Variants in ZBTB16 observed in about 807,000 individuals in gnomAD.
ZBTB16 encodes zinc finger and BTB domain-containing protein 16.
A neutral mutation model predicts 56.8 loss-of-function variants in ZBTB16; 8 were observed. The ratio of observed to expected loss-of-function variants is 0.14; its 90% CI spans 0.08 to 0.25. ZBTB16 has a LOEUF of 0.25. Ranked by LOEUF, ZBTB16 falls within the 10% of genes least tolerant of loss-of-function variation. ZBTB16 has a pLI of 1.00. For synonymous variants in ZBTB16, 363 were observed against 368.5 expected (o/e 0.98, Z 0.17); for missense variants, 625 against 903.0 (o/e 0.69, Z 3.95).
At chr11:114,119,645 T>G (rs1941286417) in intron 2 of ZBTB16, among the ~76,000 whole-genome samples, 1 of 152,146 alleles carries the variant, frequency 6.6e-6, no homozygotes, top group Non-Finnish European at 1.5e-5. Context: ...GTCTCTGCAG[T>G]GATGGAGCAA....
At chr11:114,069,841 C>G (rs532194636) in intron 2 of ZBTB16, among the ~76,000 whole-genome samples, 94 of 152,302 alleles carry the variant, frequency 6.2e-4, no homozygotes, top group African/African-American at 2.2e-3. Flanking sequence ...GCCCTCACAG[C>G]CTTCCTTGAG....
At chr11:114,238,052 C>T (rs749812203) in intron 4 of ZBTB16, among the ~76,000 whole-genome samples, 4 of 152,180 alleles carry the variant, frequency 2.6e-5, no homozygotes, top group Non-Finnish European at 5.9e-5. Context: ...GACCATATGA[C>T]TTCCAGCCTG....
At chr11:114,085,304 T>C (rs1335053184) in intron 2 of ZBTB16, among the ~76,000 whole-genome samples, 6 of 152,240 alleles carry the variant, frequency 3.9e-5, no homozygotes, top group Non-Finnish European at 5.9e-5. Flanking sequence ...GACCCACTAA[T>C]GGATTGCCAC....
At chr11:114,238,668 T>A (rs369957547) in intron 4 of ZBTB16, among the ~76,000 whole-genome samples, 1 of 152,210 alleles carries the variant, frequency 6.6e-6, no homozygotes, top group East Asian at 1.9e-4. Flanking sequence ...CTCGGTCCTT[T>A]CATGGCACTG....
chr11:114,166,896 A>AG (rs898872034), intron 3 of ZBTB16, among the ~76,000 whole-genome samples: 1 of 152,100 alleles, frequency 6.6e-6, no homozygotes, highest in Non-Finnish European at 1.5e-5. Context: ...TTGACTTTGG[A>AG]GGGGGCAGAA....
At chr11:114,111,110 C>T (rs1038010704) in intron 2 of ZBTB16, among the ~76,000 whole-genome samples, 10 of 151,152 alleles carry the variant, frequency 6.6e-5, no homozygotes, top group East Asian at 3.9e-4. Flanking sequence ...ATGTTTTTGC[C>T]GTTTCTTGGG....
At chr11:114,247,927 C>T (rs1006816988) in intron 6 of ZBTB16, among the ~76,000 whole-genome samples, 38 of 149,202 alleles carry the variant, frequency 2.5e-4, no homozygotes, top group Admixed American at 9.3e-4. Context: ...GACGGAGTTT[C>T]GCTCTTATTG....
intron 4 of ZBTB16, among the ~76,000 whole-genome samples, chr11:114,205,842 G>A (rs926014144): frequency 6.6e-6 from 1 of 152,222 alleles, no homozygotes; most frequent in African/African-American, 2.4e-5. Flanking sequence ...TGCCCCTTGG[G>A]CCCTAGAGTC....
At chr11:114,079,145 A>C (rs1939676259) in intron 2 of ZBTB16, among the ~76,000 whole-genome samples, 1 of 151,708 alleles carries the variant, frequency 6.6e-6, no homozygotes, top group Non-Finnish European at 1.5e-5. Flanking sequence ...ACCCTGGATG[A>C]AGACTCAGGC....
At chr11:114,194,226 C>T (rs962715318) in intron 4 of ZBTB16, among the ~76,000 whole-genome samples, 9 of 152,210 alleles carry the variant, frequency 5.9e-5, no homozygotes, top group East Asian at 1.9e-4. Context: ...ATGGAGCTCA[C>T]GTGTGGCTTT....
At chr11:114,240,174 G>C (rs1944673137) in intron 4 of ZBTB16, among the ~76,000 whole-genome samples, 1 of 152,162 alleles carries the variant, frequency 6.6e-6, no homozygotes, top group Non-Finnish European at 1.5e-5. Flanking sequence ...TTAGACTTCA[G>C]TGTCTGCAAA....
intron 4 of ZBTB16, among the ~76,000 whole-genome samples, chr11:114,230,960 A>G (rs1944433273): frequency 6.6e-6 from 1 of 151,846 alleles, no homozygotes; most frequent in Admixed American, 6.6e-5. Flanking sequence ...ATTGGGGTTT[A>G]CTGGAAATTT....
intron 5 of ZBTB16, among the ~76,000 whole-genome samples, chr11:114,243,644 C>T (rs1944757500): frequency 1.3e-5 from 2 of 152,222 alleles, no homozygotes; most frequent in Non-Finnish European, 2.9e-5. Context: ...AGGACTTTCT[C>T]TACAGCGATT....
At chr11:114,190,473 G>T (rs116578213) in intron 4 of ZBTB16, among the ~76,000 whole-genome samples, 12 of 152,172 alleles carry the variant, frequency 7.9e-5, no homozygotes, top group African/African-American at 2.9e-4. Flanking sequence ...AATTGTTGAA[G>T]ATCTCATGGA....
At chr11:114,107,315 T>C (rs1307751500) in intron 2 of ZBTB16, among the ~76,000 whole-genome samples, 1 of 152,194 alleles carries the variant, frequency 6.6e-6, no homozygotes, top group Non-Finnish European at 1.5e-5. Context: ...AAAAGAACTT[T>C]TTAGACCTTG....
In ZBTB16 at chr11:114,156,443, G is replaced by C; in HGVS notation, c.1366+9G>C. The C allele has an allele frequency of 6.2e-7, 1 of 1,613,824 alleles. No individual in the cohort carries two copies. The highest frequency in any genetic ancestry group is 8.5e-7 in the Non-Finnish European group (1 of 1,179,676). ...CTTACTGGCTCATTCAGGTAGGCAA[G>C]TTCGCCTTAGTGGCCCGTTCAGATA... On this transcript the variant is annotated intron_variant, in intron 3 of 6. Transcript: ENST00000335953.
At chr11:114,096,458 G>A (rs967207829) in intron 2 of ZBTB16, among the ~76,000 whole-genome samples, 3 of 152,246 alleles carry the variant, frequency 2.0e-5, no homozygotes, top group South Asian at 2.1e-4. Flanking sequence ...GTGCTTCTTC[G>A]TCCTAAAATG....
In ZBTB16 at chr11:114,168,531, T is replaced by C. The variant is rs566405528; in HGVS notation, c.1366+12097T>C. 3.9e-5 allele frequency among the ~76,000 whole-genome samples: 6 copies of C among 152,372 alleles called. 1 individual carries two copies. The South Asian group carries it at 1.0e-3, about 26-fold the overall frequency. ...TTTCTTCAACTTTGGAAGACAGATA[T>C]GCTGATTCCGTTTTGCAGATGAGGA... On this transcript the variant is annotated intron_variant, in intron 3 of 6. Transcript: ENST00000335953.
In ZBTB16 at chr11:114,064,714, G is replaced by T. The variant is rs1004972254; in HGVS notation, c.1268+146G>T. 7.9e-5 allele frequency: 89 copies of T among 1,119,592 alleles called. No individual in the cohort carries two copies. The highest frequency in any genetic ancestry group is 1.1e-4 in the Non-Finnish European group (85 of 776,776). The allele number at this position is 1,119,592 out of a possible 1,614,324, so 69.4% of individuals were successfully genotyped here. On this transcript the variant is annotated intron_variant, in intron 2 of 6. Transcript: ENST00000335953. The surrounding 1 kb of genome is among the most constrained non-coding windows in gnomAD (Gnocchi z 4.2). ...ACCAGAACACTTCTTCTAAAGTTCTGGCGGGGAGGGGAGCAGGTTTTTTAA... is the reference window on the plus strand; with the variant it reads ...ACCAGAACACTTCTTCTAAAGTTCTTGCGGGGAGGGGAGCAGGTTTTTTAA...
Sources: allele counts gnomAD v4.1 joint callset (sites outside exome capture counted in the v4.1 genomes callset), GRCh38; gene constraint gnomAD v4.1.1; non-coding constraint Gnocchi (gnomAD v3.1); transcripts MANE v1.5; gene names NCBI Gene and HGNC (gene_info 2026-07-23, HGNC 2026-07-21).